The following MTMR3 variants were observed in gnomAD, a reference collection of about 807,000 sequenced individuals.
The protein encoded by MTMR3 is myotubularin related protein 3.
In MTMR3, 32 loss-of-function variants were observed where a neutral mutation model predicts 132.4. The ratio of observed to expected loss-of-function variants is 0.24; its 90% CI spans 0.18 to 0.32. The LOEUF (loss-of-function observed/expected upper bound fraction) is 0.32, where lower values mean the gene tolerates loss of function less well. Among genes scored for constraint, MTMR3 ranks in the 10% least tolerant of loss-of-function variants. The pLI is 1.00. For missense variants in MTMR3, 1,216 were observed against 1,489.6 expected (o/e 0.82, Z 3.02); for synonymous variants, 556 against 550.3 (o/e 1.01, Z -0.14).
rs1322203670 is a variant in MTMR3 at position 29,949,035 on chromosome 22, C to CT, written c.-137-8000dup. ...ATCGCTTGAGCCTGAAAGGTTGATG[C>CT]TGCAGTGAGCCACAATCATGCCACT... On this transcript the variant is annotated intron_variant, in intron 1 of 19. Transcript: ENST00000401950. 9.4e-5 allele frequency among the ~76,000 whole-genome samples: 14 copies of CT among 148,578 alleles called. No homozygotes were observed. The Admixed American group carries it at 9.6e-4, about 10-fold the overall frequency.
At chr22:29,922,590 T>A (rs1399066049) in intron 1 of MTMR3, among the ~76,000 whole-genome samples, 1 of 152,252 alleles carries the variant, frequency 6.6e-6, no homozygotes, top group Non-Finnish European at 1.5e-5. Context: ...TTGTGAAGAA[T>A]GCTCCTATGA....
At chr22:29,985,074 T>C (rs894296509) in intron 5 of MTMR3, 22 of 152,186 alleles carry the variant, frequency 1.4e-4, no homozygotes, top group Admixed American at 1.4e-3. Flanking sequence ...GTTATAGAAA[T>C]GTTAAGAGAT....
At chr22:29,886,579 C>T (rs1383150812) in intron 1 of MTMR3, among the ~76,000 whole-genome samples, 1 of 152,172 alleles carries the variant, frequency 6.6e-6, no homozygotes, top group Admixed American at 6.5e-5. Flanking sequence ...AGTAGTTTCT[C>T]TAGCCTGATT....
At chr22:29,980,257 T>G (rs1265199174) in intron 5 of MTMR3, 1 of 152,204 alleles carries the variant, frequency 6.6e-6, no homozygotes, top group African/African-American at 2.4e-5. Context: ...CTTATTATCA[T>G]TCTTCTTTGT....
chr22:29,962,442 G>C (rs1274250537), intron 2 of MTMR3, among the ~76,000 whole-genome samples: 1 of 152,026 alleles, frequency 6.6e-6, no homozygotes, highest in Non-Finnish European at 1.5e-5. Context: ...CAAGGTGAGA[G>C]GATTGTTTGA....
At chr22:30,018,166 T>C (rs897887450) in intron 16 of MTMR3, 94 bp downstream of exon 16, 34 of 1,337,878 alleles carry the variant, frequency 2.5e-5, no homozygotes, top group Non-Finnish European at 3.3e-5. Context: ...CATGATGGTA[T>C]CTGGCTCCAC....
chr22:29,896,311 AAAAC>A (rs777940964), intron 1 of MTMR3, among the ~76,000 whole-genome samples: 6 of 152,202 alleles, frequency 3.9e-5, no homozygotes, highest in Non-Finnish European at 8.8e-5. Context: ...CTCCATCTCA[AAAAC>A]AAACAAACAA....
At chr22:29,950,385 A>G (rs2066052797) in intron 1 of MTMR3, among the ~76,000 whole-genome samples, 1 of 149,104 alleles carries the variant, frequency 6.7e-6, no homozygotes. Flanking sequence ...ATTTTTTGAG[A>G]TGGAATTTCA....
intron 2 of MTMR3, among the ~76,000 whole-genome samples, chr22:29,969,035 A>G (rs898097251): frequency 6.6e-6 from 1 of 152,098 alleles, no homozygotes; most frequent in African/African-American, 2.4e-5. Flanking sequence ...CCATTCACAC[A>G]CTGATGTCTC....
intron 12 of MTMR3, chr22:30,011,266 TG>T (rs1352188522): frequency 6.6e-6 from 1 of 152,234 alleles, no homozygotes; most frequent in Non-Finnish European, 1.5e-5. Flanking sequence ...TTTTAGGGAT[TG>T]GGAGGGGTGA....
chr22:29,899,708 G>A (rs992876728), intron 1 of MTMR3: 1 of 152,164 alleles, frequency 6.6e-6, no homozygotes, highest in Non-Finnish European at 1.5e-5. Context: ...TTTCTGTAAA[G>A]CTTAAAAAAT....
At chr22:29,943,979 A>G (rs1339848839) in intron 1 of MTMR3, among the ~76,000 whole-genome samples, 1 of 151,890 alleles carries the variant, frequency 6.6e-6, no homozygotes, top group African/African-American at 2.4e-5. Context: ...ATGCACCACC[A>G]TGACTGGCTA....
Position 29,918,051 on chromosome 22 carries a change from T to G in MTMR3, c.-138+34692T>G, listed in dbSNP as rs1246713456. Among the ~76,000 whole-genome samples the G allele has an allele frequency of 2.0e-5, 3 of 152,334 alleles. No homozygotes were observed. In the East Asian group the frequency reaches 5.8e-4, roughly 29 times the overall value. ...GAAATGCCTCATATTGCTAATGCAG[T>G]GAGTTTAAGTGTTTAATTTAGAAAA... is the stretch of plus-strand genomic sequence containing the variant. On this transcript the variant is annotated intron_variant, in intron 1 of 19. Coordinates refer to ENST00000401950, the MANE Select transcript of MTMR3 (RefSeq NM_021090.4).
intron 2 of MTMR3, among the ~76,000 whole-genome samples, chr22:29,958,827 G>A (rs1267857336): frequency 6.6e-6 from 1 of 152,124 alleles, no homozygotes; most frequent in Non-Finnish European, 1.5e-5. Flanking sequence ...TAGACTCCTG[G>A]GATACCAATG....
At chr22:29,928,649 C>T (rs139876418) in intron 1 of MTMR3, among the ~76,000 whole-genome samples, 294 of 151,894 alleles carry the variant, frequency 1.9e-3, no homozygotes, top group Admixed American at 0.016. Context: ...TTTTTACAAC[C>T]TGTTGGTGTG....
intron 1 of MTMR3, among the ~76,000 whole-genome samples, chr22:29,956,569 A>G: frequency 6.6e-6 from 1 of 152,096 alleles, no homozygotes; most frequent in Non-Finnish European, 1.5e-5. Context: ...TTTCTACCAT[A>G]TTCTCCTTAC....
At chr22:30,004,692 C>G (rs952636884) in intron 9 of MTMR3, 5 of 152,216 alleles carry the variant, frequency 3.3e-5, no homozygotes, top group African/African-American at 1.2e-4. Flanking sequence ...GGCTCTGTCT[C>G]AGAACATGTG....
At chr22:29,988,404 T>C in intron 5 of MTMR3, 76 bp from the exon 6 acceptor site, 1 of 1,041,054 alleles carries the variant, frequency 9.6e-7, no homozygotes, top group Non-Finnish European at 1.4e-6. Context: ...TTTTAATTAG[T>C]CTTGTTGGAC....
chr22:29,948,588 C>CATT (rs2065995147), intron 1 of MTMR3, among the ~76,000 whole-genome samples: 1 of 152,084 alleles, frequency 6.6e-6, no homozygotes, highest in Non-Finnish European at 1.5e-5. Flanking sequence ...AATGGCAAGC[C>CATT]AGCCTTCAAA....
Sources: gnomAD v4.1 joint callset for allele counts (sites outside exome capture counted in the v4.1 genomes callset) on GRCh38, gnomAD v4.1.1 for gene constraint, MANE v1.5 for transcripts, NCBI Gene and HGNC (gene_info 2026-07-23, HGNC 2026-07-21) for gene names.